SAG: variants seen among roughly 807,000 people sequenced by gnomAD.
SAG encodes the protein S-antigen visual arrestin.
Under a neutral mutation model 55.0 loss-of-function variants are expected in SAG, and 45 were observed. The observed-to-expected ratio is 0.82, with a 90% CI of 0.64 to 1.05. The LOEUF (loss-of-function observed/expected upper bound fraction) is 1.05, where lower values mean the gene tolerates loss of function less well. Among genes scored for constraint, SAG ranks in the 50% least tolerant of loss-of-function variants. The pLI, the probability that SAG is intolerant of heterozygous loss-of-function variation, is 0.00. For missense variants in SAG, 455 were observed against 512.1 expected, an observed-to-expected ratio of 0.89 and a Z score of 1.08; for synonymous variants, 189 against 197.4, an observed-to-expected ratio of 0.96 and a Z score of 0.36.
chr2:233,335,780 T>A (rs1700906494), intron 11 of SAG, among the ~76,000 whole-genome samples: 1 of 152,218 alleles, frequency 6.6e-6, no homozygotes, highest in South Asian at 2.1e-4. Context: ...CCACTGTCCT[T>A]CCAAGCCACG....
intron 8 of SAG, 84 bp from the exon 9 acceptor site, chr2:233,329,409 A>C: frequency 2.5e-6 from 2 of 811,264 alleles, no homozygotes; most frequent in Non-Finnish European, 4.2e-6. Context: ...AGTGAAAGGG[A>C]TTGAGATGAA....
Position 233,329,519 on chromosome 2 carries a change from T to G in SAG, c.675T>G (p.Pro225=). 1.2e-6 allele frequency: 2 copies of G among 1,613,118 alleles called. No homozygotes were observed. The highest frequency in any genetic ancestry group is 1.7e-4 in the Middle Eastern group (1 of 6,058). ...KEIYFHGEPI[P]VTVTVTNNTE... ...TCTATTTCCATGGGGAGCCCATCCC[T>G]GTGACCGTGACTGTCACCAATAACA... Residue 225 remains proline, a synonymous_variant, in exon 9 of 16, where the codon CCT becomes CCG. Transcript: ENST00000409110.
Position 233,320,830 on chromosome 2 carries a change from G to C in SAG, c.375+7G>C, listed in dbSNP as rs756718459. ...GTACCCCTTTCTCCTGACGGTGGGTGACTCCTCCGGCCAGCCCTGCTTCCT... is the reference window on the plus strand; with the variant it reads ...GTACCCCTTTCTCCTGACGGTGGGTCACTCCTCCGGCCAGCCCTGCTTCCT... On this transcript the variant is annotated splice_region_variant and intron_variant, in intron 5 of 15. Coordinates refer to ENST00000409110, the MANE Select transcript of SAG (RefSeq NM_000541.5). 13 of 1,576,504 alleles carry C rather than the reference G, an allele frequency of 8.2e-6. No individual in the cohort carries two copies. In the South Asian group the frequency reaches 1.5e-4, roughly 18 times the overall value.
rs1220377146 is a variant in SAG, at chr2:233,308,028, T to C, written c.-29+6T>C. 1 of 152,554 alleles carries C rather than the reference T, an allele frequency of 6.6e-6. No homozygotes were observed. Among genetic ancestry groups the C allele is most frequent in the Non-Finnish European group, 1.5e-5 (1 of 68,190 alleles). 9.5% of individuals were successfully genotyped at this position (152,554 alleles called of 1,614,324 possible). A position where few individuals can be genotyped will look rare whatever the true frequency, so the allele number is the denominator to read the frequency against. ...GGTTGGTGACAAATCACAAGGTATG[T>C]GACCACCACAGGCCAAAACCTTATC... is the stretch of plus-strand genomic sequence containing the variant. On this transcript the variant is annotated splice_donor_region_variant and intron_variant, in intron 1 of 15. Transcript: ENST00000409110.
rs1273507330 is a variant in SAG, at chr2:233,328,541, C to T, written c.576C>T (p.Pro192=). The T allele has an allele frequency of 6.2e-7, 1 of 1,613,958 alleles. No homozygotes were observed. The highest frequency in any genetic ancestry group is 8.5e-7 in the Non-Finnish European group (1 of 1,179,826). Residue 192 remains proline (P), a synonymous_variant, in exon 8 of 16, where the codon CCC becomes CCT. Coordinates refer to ENST00000409110, the MANE Select transcript of SAG (RefSeq NM_000541.5). ...QHAPLEMGPQ[P]RAEAAWQFFM... Reference sequence around the variant, plus strand: ...CCCCACTTGAGATGGGTCCCCAGCCCCGAGCTGAGGCGGCCTGGCAGTTCT... The same window carrying T: ...CCCCACTTGAGATGGGTCCCCAGCCTCGAGCTGAGGCGGCCTGGCAGTTCT...
intron 11 of SAG, among the ~76,000 whole-genome samples, chr2:233,337,742 A>G (rs1700983619): frequency 6.6e-6 from 1 of 152,086 alleles, no homozygotes; most frequent in South Asian, 2.1e-4. Context: ...TTCTGCCTGT[A>G]GCCTTCAGGT....
intron 13 of SAG, among the ~76,000 whole-genome samples, chr2:233,341,785 T>A (rs1244707497): frequency 6.6e-6 from 1 of 152,190 alleles, no homozygotes; most frequent in Middle Eastern, 3.2e-3. Context: ...GATGGTTGCA[T>A]AACAGCGTAA....
intron 4 of SAG, among the ~76,000 whole-genome samples, chr2:233,320,180 C>T (rs1044375494): frequency 3.3e-5 from 5 of 152,210 alleles, no homozygotes; most frequent in African/African-American, 9.7e-5. Context: ...ACTCAGCCCA[C>T]GATTGACCCT....
At chr2:233,324,479 C>T (rs1016755716) in intron 6 of SAG, among the ~76,000 whole-genome samples, 1 of 152,088 alleles carries the variant, frequency 6.6e-6, no homozygotes, top group South Asian at 2.1e-4. Context: ...AGGGCCTTGT[C>T]GATGTTGTAG....
rs750283316 is a variant in SAG at position 233,329,598 on chromosome 2, G to T, written c.733+21G>T. On this transcript the variant is annotated intron_variant, in intron 9 of 15. Transcript: ENST00000409110. Reference sequence around the variant, plus strand: ...ATTCGGTAGGACCTTCTTCTCAGAAGTAGAGGGCATAGTCTTCTAGAATTT... The same window carrying T: ...ATTCGGTAGGACCTTCTTCTCAGAATTAGAGGGCATAGTCTTCTAGAATTT... 4 of 1,504,178 alleles carry T rather than the reference G, an allele frequency of 2.7e-6. No homozygotes were observed. The South Asian group carries it at 4.5e-5, about 17-fold the overall frequency. 93.2% of individuals were successfully genotyped at this position (1,504,178 alleles called of 1,614,324 possible).
At position 233,342,388 on chromosome 2, in the gene SAG, G is replaced by A. The variant is rs1574956526; in HGVS notation, c.1102+62G>A. 5 of 1,311,554 alleles carry A rather than the reference G, an allele frequency of 3.8e-6. No individual in the cohort carries two copies. In the East Asian group the frequency reaches 7.4e-5, roughly 19 times the overall value. 81.2% of individuals were successfully genotyped at this position (1,311,554 alleles called of 1,614,324 possible). ...TGCTACTTGCAGATTTATTGTTGAT[G>A]TATTTCTAGTCTTTCTTGACCGCAT... is the stretch of plus-strand genomic sequence containing the variant. On this transcript the variant is annotated intron_variant, in intron 14 of 15. Transcript: ENST00000409110.
intron 8 of SAG, chr2:233,329,234 C>G (rs1476760709): frequency 9.1e-6 from 4 of 439,988 alleles, no homozygotes. Flanking sequence ...CTTCACTCAT[C>G]CTGCCCCCAT....
Position 233,318,775 on chromosome 2 carries a change from A to G in SAG, c.161A>G (p.Asp54Gly). Residue 54 changes from aspartate (D) to glycine (G), a missense_variant, in exon 4 of 16, where the codon GAT (aspartate) becomes GGT (glycine). Physicochemically the swap from Asp to Gly is moderately conservative, Grantham distance 94. Transcript: ENST00000409110. ...GATGGTGTCGTGTTGGTTGATCCTG[A>G]TCTTGTGAAGGGAAAGAAAGGTGAG... ...PVDGVVLVDP[D>G]LVKGKKVYVT... The G allele has an allele frequency of 6.2e-7, 1 of 1,613,788 alleles. No homozygotes were observed. The highest frequency in any genetic ancestry group is 8.5e-7 in the Non-Finnish European group (1 of 1,179,796).
rs996188359 is a variant in SAG at position 233,309,202 on chromosome 2, G to A, written c.13G>A (p.Gly5Arg). 9.9e-6 allele frequency: 16 copies of A among 1,613,490 alleles called. No homozygotes were observed. The highest frequency in any genetic ancestry group is 8.9e-5 in the East Asian group (4 of 44,886). The change falls in exon 2 of 16, where the codon GGG becomes AGG. Residue 5 changes from glycine (G) to arginine (R), a missense_variant. Transcript: ENST00000409110. ...AGGGACAGATAACATGGCAGCCAGC[G>A]GGAAGACCAGCAAGTCCGAACCGAA... MAAS[G>R]KTSKSEPNHV...
chr2:233,323,642 C>A (rs529305579), intron 6 of SAG, among the ~76,000 whole-genome samples: 8 of 152,222 alleles, frequency 5.3e-5, no homozygotes, highest in African/African-American at 1.9e-4. Context: ...GGATTACAGG[C>A]GTGAGCCACC....
Position 233,331,632 on chromosome 2 carries a change from CCTTGCAGTGGAACAGG to C in SAG, c.734-7_742del. ...GCTGACCACCGGACTCCCGTCTTCCCCTTGCAGTGGAACAGGTGGCCAATGTGGTTCTCTACTCGAG... is the reference window on the plus strand; with the variant it reads ...GCTGACCACCGGACTCCCGTCTTCCCTGGCCAATGTGGTTCTCTACTCGAG... On this transcript the variant is annotated splice_acceptor_variant and splice_polypyrimidine_tract_variant and coding_sequence_variant and intron_variant, in exon 10 of 16. Transcript: ENST00000409110. LOFTEE classifies it high-confidence loss of function. 6.2e-7 allele frequency: 1 copy of C among 1,606,970 alleles called. No individual in the cohort carries two copies. Among genetic ancestry groups the C allele is most frequent in the Non-Finnish European group, 8.5e-7 (1 of 1,173,664 alleles).
chr2:233,310,447 C>T (rs1288070037), intron 2 of SAG, among the ~76,000 whole-genome samples: 3 of 150,816 alleles, frequency 2.0e-5, no homozygotes, highest in African/African-American at 2.4e-5. Flanking sequence ...TTCAGGTGTC[C>T]GGGAGCCACC....
At chr2:233,322,185 CAA>C (rs35197599) in intron 5 of SAG, among the ~76,000 whole-genome samples, 1,538 of 65,968 alleles carry the variant, frequency 0.023, 4 homozygotes, top group East Asian at 0.071. Context: ...GACTCTGTCT[CAA>C]AAAAAAAAAA....
Position 233,340,517 on chromosome 2 carries a change from G to T in SAG, c.1046+39G>T, listed in dbSNP as rs765281923. 1.9e-6 allele frequency: 3 copies of T among 1,568,048 alleles called. No homozygotes were observed. In the African/African-American group the frequency reaches 4.0e-5, roughly 21 times the overall value. On this transcript the variant is annotated intron_variant, in intron 13 of 15. Coordinates refer to ENST00000409110, the MANE Select transcript of SAG (RefSeq NM_000541.5). The surrounding 1 kb of genome is among the most constrained non-coding windows in gnomAD (Gnocchi z 4.2). ...CCTTCCTTGTTTGATTGTTTCTCAAGATATCAAAGGCAGCAAACTTGGGGC... is the reference window on the plus strand; with the variant it reads ...CCTTCCTTGTTTGATTGTTTCTCAATATATCAAAGGCAGCAAACTTGGGGC...
Sources: gnomAD v4.1 joint callset for allele counts (sites outside exome capture counted in the v4.1 genomes callset) on GRCh38, gnomAD v4.1.1 for gene constraint, Gnocchi (gnomAD v3.1) non-coding constraint, MANE v1.5 for transcripts, NCBI Gene and HGNC (gene_info 2026-07-23, HGNC 2026-07-21) for gene names.